TP53I13: variants seen among roughly 807,000 people sequenced by gnomAD.
TP53I13 encodes the protein tumor protein p53 inducible protein 13, also known as tumor protein p53-inducible protein 13.
Under a neutral mutation model 39.1 loss-of-function variants are expected in TP53I13, and 27 were observed. That is an observed-to-expected ratio of 0.69 (90% CI 0.51 to 0.95). The LOEUF is 0.95. TP53I13 is among the 40% of genes least tolerant of loss of function. TP53I13 has a pLI of 0.00. For synonymous variants in TP53I13, 230 were observed against 224.6 expected (o/e 1.02, Z -0.22); for missense variants, 544 against 520.4 (o/e 1.05, Z -0.44).
chr17:29,577,555 G>A (rs2033256147), downstream of TP53I13: 1 of 869,814 alleles, frequency 1.1e-6, no homozygotes, highest in African/African-American at 1.6e-5. Context: ...AAATGCTGGA[G>A]AGCTGGCTCA....
chr17:29,566,441 C>A (rs770347389), upstream of TP53I13: 2 of 1,612,352 alleles, frequency 1.2e-6, no homozygotes, highest in Admixed American at 3.3e-5. Flanking sequence ...AAGCAAAGGC[C>A]GAGCACGTTG....
intron 3 of TP53I13, chr17:29,569,636 C>T (rs758192575): frequency 1.1e-5 from 4 of 355,492 alleles, no homozygotes; most frequent in African/African-American, 2.1e-5. Flanking sequence ...GTGAGTGGAA[C>T]TCTCTCTGAG....
the TP53I13 span, chr17:29,580,917 A>AT: frequency 1.9e-5 from 4 of 212,762 alleles, no homozygotes; most frequent in South Asian, 7.3e-5. Flanking sequence ...AGTAGCTGAG[A>AT]TACAGGCATG....
chr17:29,577,792 G>C, downstream of TP53I13: 3 of 1,116,342 alleles, frequency 2.7e-6, no homozygotes, highest in Non-Finnish European at 4.1e-6. Context: ...AGGCCCCCAA[G>C]GTGGGGGTGG....
chr17:29,575,315 C>T (rs925891052), downstream of TP53I13: 2 of 1,613,014 alleles, frequency 1.2e-6, no homozygotes, highest in Non-Finnish European at 1.7e-6. The surrounding 1 kb of genome is among the most constrained non-coding windows in gnomAD (Gnocchi z 5.5). Flanking sequence ...CTGGGCTGCC[C>T]GCAACAGTTC....
upstream of TP53I13, chr17:29,566,848 C>T (rs751969763): frequency 2.7e-5 from 41 of 1,513,626 alleles, no homozygotes; most frequent in Non-Finnish European, 3.5e-5. Context: ...GTCTTGGGCC[C>T]CCGGCAGGGT....
At chr17:29,568,239 C>G (rs2032775175), upstream of TP53I13, 1 of 152,324 alleles carries the variant, frequency 6.6e-6, no homozygotes, top group Admixed American at 6.5e-5. The surrounding 1 kb of genome is among the most constrained non-coding windows in gnomAD (Gnocchi z 4.5). Context: ...TTCAGCAGCT[C>G]TTCCTGACTT....
At position 29,572,584 on chromosome 17, in the gene TP53I13, T is replaced by G; in HGVS notation, c.956T>G (p.Phe319Cys). ...EAAWAAMALTFLLVLLTLATL... is the reference protein window; with the variant it reads ...EAAWAAMALTCLLVLLTLATL... ...GCCTGGGCTGCCATGGCCCTGACCT[T>G]CCTGCTGGTGCTGCTCACCCTGGCC... is the stretch of plus-strand genomic sequence containing the variant. Residue 319 changes from phenylalanine (F) to cysteine (C), a missense_variant, in exon 6 of 7, where the codon TTC (phenylalanine) becomes TGC (cysteine). Coordinates refer to ENST00000301057, the MANE Select transcript of TP53I13 (RefSeq NM_138349.4). 1 of 1,595,564 alleles carries G rather than the reference T, an allele frequency of 6.3e-7. No homozygotes were observed. Among genetic ancestry groups the G allele is most frequent in the Non-Finnish European group, 8.5e-7 (1 of 1,171,838 alleles).
downstream of TP53I13, chr17:29,576,922 C>G: frequency 6.3e-7 from 1 of 1,584,972 alleles, no homozygotes. Flanking sequence ...TCTGTGTCCT[C>G]GTCAGAGGCC....
At position 29,571,853 on chromosome 17, in the gene TP53I13, G is replaced by A. The variant is rs141355855; in HGVS notation, c.313-4G>A. The A allele has an allele frequency of 1.7e-4, 277 of 1,613,198 alleles. No individual in the cohort carries two copies. The African/African-American group carries it at 3.2e-3, about 19-fold the overall frequency. On this transcript the variant is annotated splice_region_variant and splice_polypyrimidine_tract_variant and intron_variant, in intron 4 of 6. Coordinates refer to ENST00000301057, the MANE Select transcript of TP53I13 (RefSeq NM_138349.4). ...GTAGCTCTAACAGTTACCTCCTCTC[G>A]TAGCCCCTGGTGCTGACTGCATGGG...
rs778709449 is a variant in TP53I13, at chr17:29,572,432, G to A, written c.804G>A (p.Glu268=). 6.3e-7 allele frequency: 1 copy of A among 1,582,162 alleles called. No individual in the cohort carries two copies. The highest frequency in any genetic ancestry group is 1.1e-5 in the South Asian group (1 of 87,668). The change falls in exon 6 of 7, where the codon GAG becomes GAA. Residue 268 remains glutamate, a synonymous_variant. Coordinates refer to ENST00000301057, the MANE Select transcript of TP53I13 (RefSeq NM_138349.4). ...APGGNASSRT[E]AQVPNGQGSP... The stretch of plus-strand genomic sequence containing the variant: ...GAGGCAATGCCAGCTCCAGGACAGA[G>A]GCTCAGGTGCCCAACGGGCAAGGCA...
chr17:29,574,852 C>T, downstream of TP53I13: 3 of 1,601,224 alleles, frequency 1.9e-6, no homozygotes, highest in Non-Finnish European at 2.6e-6. Flanking sequence ...ACTCACTCTG[C>T]AGCCGGTAGG....
chr17:29,581,845 A>G, the TP53I13 span: 2 of 1,610,998 alleles, frequency 1.2e-6, no homozygotes, highest in African/African-American at 1.3e-5. The surrounding 1 kb of genome is among the most constrained non-coding windows in gnomAD (Gnocchi z 4.8). Context: ...GCCTGTGAGG[A>G]GGGGGTATGG....
chr17:29,576,696 G>C (rs1420229524), downstream of TP53I13: 1 of 1,613,188 alleles, frequency 6.2e-7, no homozygotes, highest in Non-Finnish European at 8.5e-7. Flanking sequence ...GACCTAAGCT[G>C]GTCAGCACCT....
chr17:29,580,557 C>T, the TP53I13 span, among the ~76,000 whole-genome samples: 9 of 152,174 alleles, frequency 5.9e-5, no homozygotes, highest in Admixed American at 2.6e-4. Context: ...GCCTCTCAGA[C>T]GGAAGCAGAA....
intron 3 of TP53I13, 92 bp downstream of exon 3, chr17:29,569,451 C>A: frequency 8.1e-7 from 1 of 1,234,932 alleles, no homozygotes; most frequent in South Asian, 1.3e-5. Context: ...CTGATCGGCC[C>A]CATTCCTTAC....
In TP53I13 at chr17:29,573,049, G is replaced by A; in HGVS notation, c.*125G>A. On this transcript the variant is annotated 3_prime_UTR_variant, in exon 7 of 7. Transcript: ENST00000301057. ...TGGCGCGGCACTGGCCGAGCACTGCGGGGGCTTTCCTCCTTGTTGGTTGCT... is the reference window on the plus strand; with the variant it reads ...TGGCGCGGCACTGGCCGAGCACTGCAGGGGCTTTCCTCCTTGTTGGTTGCT... The A allele has an allele frequency of 2.7e-6, 2 of 754,670 alleles. No homozygotes were observed. Among genetic ancestry groups the A allele is most frequent in the South Asian group, 3.2e-5 (1 of 30,988 alleles). The allele number at this position is 754,670 out of a possible 1,614,324, so 46.7% of individuals were successfully genotyped here.
At chr17:29,578,806 G>A in the TP53I13 span, 1 of 1,610,986 alleles carries the variant, frequency 6.2e-7, no homozygotes, top group Non-Finnish European at 8.5e-7. Flanking sequence ...ATGGGAATTG[G>A]GAGGAGAGGA....
upstream of TP53I13, chr17:29,566,445 C>G (rs2032713666): frequency 6.2e-7 from 1 of 1,612,474 alleles, no homozygotes; most frequent in Non-Finnish European, 8.5e-7. Flanking sequence ...AAAGGCCGAG[C>G]ACGTTGCGGG....
Sources: gnomAD v4.1 joint callset for allele counts (sites outside exome capture counted in the v4.1 genomes callset) on GRCh38, gnomAD v4.1.1 for gene constraint, Gnocchi (gnomAD v3.1) non-coding constraint, MANE v1.5 for transcripts, NCBI Gene and HGNC (gene_info 2026-07-23, HGNC 2026-07-21) for gene names.